The following KCNQ1 variants were observed in gnomAD, a reference collection of about 807,000 sequenced individuals.
KCNQ1 encodes potassium voltage-gated channel subfamily Q member 1.
Under a neutral mutation model 72.4 loss-of-function variants are expected in KCNQ1, and 49 were observed. The observed-to-expected ratio is 0.68, with a 90% CI of 0.54 to 0.86. The LOEUF (loss-of-function observed/expected upper bound fraction) is 0.86, where lower values mean the gene tolerates loss of function less well. KCNQ1 is among the 40% of genes least tolerant of loss of function. The pLI is 0.00. For synonymous variants in KCNQ1, 450 were observed against 412.6 expected, an observed-to-expected ratio of 1.09 and a Z score of -1.10; for missense variants, 790 against 945.1, an observed-to-expected ratio of 0.84 and a Z score of 2.15.
At position 2,735,813 on chromosome 11, in the gene KCNQ1, G is replaced by C. The variant is rs1590060290; in HGVS notation, c.1515-33031G>C. 6.6e-6 allele frequency among the ~76,000 whole-genome samples: 1 copy of C among 152,122 alleles called. No individual in the cohort carries two copies. Among genetic ancestry groups the C allele is most frequent in the African/African-American group, 2.4e-5 (1 of 41,402 alleles). The stretch of plus-strand genomic sequence containing the variant: ...TGGGGCCATCCCTCTGTGTGTGCCC[G>C]AGTCACCTTCTCCTCTCATAAGGAC... On this transcript the variant is annotated intron_variant, in intron 11 of 15. Transcript: ENST00000155840. This position sits in a 1 kb window ranked among gnomAD's most constrained non-coding sequence, Gnocchi z 7.7.
In KCNQ1 at chr11:2,541,418, G is replaced by A. The variant is rs572891191; in HGVS notation, c.477+13400G>A. 5.3e-5 allele frequency among the ~76,000 whole-genome samples: 8 copies of A among 152,130 alleles called. No individual in the cohort carries two copies. The highest frequency in any genetic ancestry group is 7.2e-5 in the African/African-American group (3 of 41,442). The stretch of plus-strand genomic sequence containing the variant: ...GGGCCTGTGTCTCTTCTCACTGACC[G>A]TTTTCTGAAACTGGCTGGGGAGGGT... On this transcript the variant is annotated intron_variant, in intron 2 of 15. Transcript: ENST00000155840. This position sits in a 1 kb window ranked among gnomAD's most constrained non-coding sequence, Gnocchi z 4.8.
In KCNQ1 at chr11:2,678,763, G is replaced by A. The variant is rs1039258002; in HGVS notation, c.1514+16682G>A. Reference sequence around the variant, plus strand: ...ACAGGAAGCTGGGGTGTTTGGGACTGAGGCTTCATCGTGGCAGCTAATAAT... The same window carrying A: ...ACAGGAAGCTGGGGTGTTTGGGACTAAGGCTTCATCGTGGCAGCTAATAAT... On this transcript the variant is annotated intron_variant, in intron 11 of 15. Transcript: ENST00000155840. The surrounding 1 kb of genome is among the most constrained non-coding windows in gnomAD (Gnocchi z 4.9). 34 of 398,510 alleles carry A rather than the reference G, an allele frequency of 8.5e-5. No homozygotes were observed. The highest frequency in any genetic ancestry group is 6.8e-4 in the African/African-American group (33 of 48,630). The allele number at this position is 398,510 out of a possible 1,614,324, so 24.7% of individuals were successfully genotyped here. A position where few individuals can be genotyped will look rare whatever the true frequency, so the allele number is the denominator to read the frequency against.
intron 2 of KCNQ1, among the ~76,000 whole-genome samples, chr11:2,555,576 A>C (rs535566343): frequency 6.6e-6 from 1 of 152,164 alleles, no homozygotes; most frequent in Non-Finnish European, 1.5e-5. Context: ...GGCTTGGGCC[A>C]CTCCTGTGTG....
At chr11:2,841,425 G>A (rs1248262045) in intron 15 of KCNQ1, among the ~76,000 whole-genome samples, 1 of 152,134 alleles carries the variant, frequency 6.6e-6, no homozygotes, top group African/African-American at 2.4e-5. Flanking sequence ...GCAGTGAGGT[G>A]GTTGTGACAG....
chr11:2,712,886 G>A lies in KCNQ1; in HGVS notation c.1514+50805G>A, dbSNP rs544036916. The stretch of plus-strand genomic sequence containing the variant: ...AGGCAGCATGGGAAATGGAAGGACT[G>A]CAGCCCCCGCCTCCCTCCAAGGCAG... On this transcript the variant is annotated intron_variant, in intron 11 of 15. Transcript: ENST00000155840. This position sits in a 1 kb window ranked among gnomAD's most constrained non-coding sequence, Gnocchi z 6.4. Among the ~76,000 whole-genome samples the A allele has an allele frequency of 2.6e-4, 39 of 152,240 alleles. No individual in the cohort carries two copies. The highest frequency in any genetic ancestry group is 3.4e-3 in the Middle Eastern group (1 of 294).
chr11:2,567,422 A>G lies in KCNQ1; in HGVS notation c.478-3206A>G, dbSNP rs1477793776. 3.9e-5 allele frequency among the ~76,000 whole-genome samples: 6 copies of G among 152,198 alleles called. No individual in the cohort carries two copies. Among genetic ancestry groups the G allele is most frequent in the African/African-American group, 1.4e-4 (6 of 41,526 alleles). On this transcript the variant is annotated intron_variant, in intron 2 of 15. Transcript: ENST00000155840. This position sits in a 1 kb window ranked among gnomAD's most constrained non-coding sequence, Gnocchi z 6.6. The stretch of plus-strand genomic sequence containing the variant: ...CCGTGAATCAGGGGTGGGCCATGGC[A>G]TGGCGTGGGGGACCAGCCCTCCTCC...
intron 10 of KCNQ1, among the ~76,000 whole-genome samples, chr11:2,590,722 G>A (rs936167776): frequency 3.3e-5 from 5 of 152,170 alleles, no homozygotes; most frequent in Admixed American, 3.3e-4. Context: ...TCCCTCTAAG[G>A]AGGCTTGACC....
chr11:2,534,647 C>T (rs1206984240), intron 2 of KCNQ1, among the ~76,000 whole-genome samples: 1 of 152,216 alleles, frequency 6.6e-6, no homozygotes, highest in East Asian at 1.9e-4. Flanking sequence ...CTGCAGGGTG[C>T]TCTGGGAAGA....
In KCNQ1 at chr11:2,715,453, C is replaced by T; in HGVS notation, c.1514+53372C>T. ...GGGAATGGGGGGAGGCCAGGGAGGA[C>T]CCCCTGCAGCCTGGCTCAGGCAGGG... On this transcript the variant is annotated intron_variant, in intron 11 of 15. Transcript: ENST00000155840. This position sits in a 1 kb window ranked among gnomAD's most constrained non-coding sequence, Gnocchi z 4.9. Among the ~76,000 whole-genome samples, 1 of 152,062 alleles carries T rather than the reference C, an allele frequency of 6.6e-6. No individual in the cohort carries two copies. Among genetic ancestry groups the T allele is most frequent in the East Asian group, 1.9e-4 (1 of 5,160 alleles).
rs550881470 is a variant in KCNQ1, at chr11:2,525,620, C to T, written c.387-2308C>T. On this transcript the variant is annotated intron_variant, in intron 1 of 15. Transcript: ENST00000155840. ...AATGCCAGGCAGCTTATGCAGCCAGCGCTTTGGGCAGGCGGGAGTCAGGGG... is the reference window on the plus strand; with the variant it reads ...AATGCCAGGCAGCTTATGCAGCCAGTGCTTTGGGCAGGCGGGAGTCAGGGG... Among the ~76,000 whole-genome samples, 7 of 152,322 alleles carry T rather than the reference C, an allele frequency of 4.6e-5. No homozygotes were observed. The East Asian group carries it at 5.8e-4, about 13-fold the overall frequency.
Position 2,645,398 on chromosome 11 carries a change from G to A in KCNQ1, c.1394-16563G>A. 2.5e-6 allele frequency: 1 copy of A among 398,762 alleles called. No homozygotes were observed. The highest frequency in any genetic ancestry group is 3.6e-5 in the East Asian group (1 of 28,068). The allele number at this position is 398,762 out of a possible 1,614,324, so 24.7% of individuals were successfully genotyped here. ...AAAGAGGGTGGGACCAGGCCAGGTG[G>A]GCCTGTCCTGAGGCCCTCCAGTAAT... On this transcript the variant is annotated intron_variant, in intron 10 of 15. Transcript: ENST00000155840. The surrounding 1 kb of genome is among the most constrained non-coding windows in gnomAD (Gnocchi z 5.8).
chr11:2,525,896 A>T (rs772919750), intron 1 of KCNQ1, among the ~76,000 whole-genome samples: 1 of 152,298 alleles, frequency 6.6e-6, no homozygotes, highest in Middle Eastern at 3.4e-3. Flanking sequence ...TGCAGCCCAC[A>T]GCCCCACTCT....
At chr11:2,583,279 T>C (rs1381689818) in intron 6 of KCNQ1, among the ~76,000 whole-genome samples, 156 bp from the exon 7 acceptor site, 1 of 152,098 alleles carries the variant, frequency 6.6e-6, no homozygotes, top group African/African-American at 2.4e-5. Flanking sequence ...CGCGGCTCTG[T>C]TCCTGGTGCT....
Position 2,821,851 on chromosome 11 carries a change from A to G in KCNQ1, c.1795-25916A>G, listed in dbSNP as rs144186330. On this transcript the variant is annotated intron_variant, in intron 15 of 15. Transcript: ENST00000155840. ...TGCTCTGCACACCCCCACCCCAGCA[A>G]GTGTGTGTGAGCTCTGTAGTCGTGT... is the stretch of plus-strand genomic sequence containing the variant. 1.2e-4 allele frequency among the ~76,000 whole-genome samples: 19 copies of G among 152,078 alleles called. No individual in the cohort carries two copies. In the East Asian group the frequency reaches 2.3e-3, roughly 19 times the overall value.
Position 2,750,529 on chromosome 11 carries a change from C to A in KCNQ1, c.1515-18315C>A, listed in dbSNP as rs1846211170. 6.6e-6 allele frequency among the ~76,000 whole-genome samples: 1 copy of A among 152,232 alleles called. No individual in the cohort carries two copies. Among genetic ancestry groups the A allele is most frequent in the Admixed American group, 6.5e-5 (1 of 15,290 alleles). ...CGTCTTTTCCTCTCCTGCCTGGTAA[C>A]CCTCTCTGCAGAGGCCCTGGCTGGA... On this transcript the variant is annotated intron_variant, in intron 11 of 15. Transcript: ENST00000155840. This position sits in a 1 kb window ranked among gnomAD's most constrained non-coding sequence, Gnocchi z 6.3.
At chr11:2,820,888 C>A (rs1002738348) in intron 15 of KCNQ1, among the ~76,000 whole-genome samples, 1 of 152,232 alleles carries the variant, frequency 6.6e-6, no homozygotes, top group Non-Finnish European at 1.5e-5. Flanking sequence ...ACTTTCTTCT[C>A]CCTGACAGAG....
At chr11:2,604,463 G>A (rs1042397244) in intron 10 of KCNQ1, among the ~76,000 whole-genome samples, 1 of 151,802 alleles carries the variant, frequency 6.6e-6, no homozygotes, top group Non-Finnish European at 1.5e-5. Context: ...AGGCAACAGA[G>A]CAAGACTGTT....
At chr11:2,456,717 C>A (rs181578787) in intron 1 of KCNQ1, among the ~76,000 whole-genome samples, 2 of 142,438 alleles carry the variant, frequency 1.4e-5, no homozygotes, top group Non-Finnish European at 3.0e-5. Context: ...GTCAGGAGAT[C>A]GAGACCATCC....
intron 11 of KCNQ1, among the ~76,000 whole-genome samples, chr11:2,727,737 G>A (rs1845789592): frequency 1.3e-5 from 2 of 152,174 alleles, no homozygotes; most frequent in African/African-American, 4.8e-5. Flanking sequence ...GAGAAGGGCT[G>A]TATGCAGAAG....
Sources: gnomAD v4.1 joint callset for allele counts (sites outside exome capture counted in the v4.1 genomes callset) on GRCh38, gnomAD v4.1.1 for gene constraint, Gnocchi (gnomAD v3.1) non-coding constraint, MANE v1.5 for transcripts, NCBI Gene and HGNC (gene_info 2026-07-23, HGNC 2026-07-21) for gene names.